Variants in COG5 observed in about 807,000 individuals in gnomAD.
The protein encoded by COG5 is conserved oligomeric Golgi complex subunit 5.
COG5 carries 86 observed loss-of-function variants against 110.4 expected under a neutral mutation model. The observed-to-expected ratio is 0.78, with a 90% CI of 0.65 to 0.93. The LOEUF (loss-of-function observed/expected upper bound fraction) is 0.93. Among genes scored for constraint, COG5 ranks in the 40% least tolerant of loss-of-function variants. The pLI is 0.00. For synonymous variants in COG5, 360 were observed against 334.6 expected (o/e 1.08, Z -0.83); for missense variants, 1,077 against 987.0 (o/e 1.09, Z -1.22).
chr7:107,392,087 TC>T (rs1790664527), intron 7 of COG5, among the ~76,000 whole-genome samples: 1 of 152,168 alleles, frequency 6.6e-6, no homozygotes, highest in East Asian at 1.9e-4. Flanking sequence ...CGAGACTCAG[TC>T]CCCGCCCCTA....
At chr7:107,244,868 G>A (rs1289228248) in intron 17 of COG5, among the ~76,000 whole-genome samples, 1 of 152,140 alleles carries the variant, frequency 6.6e-6, no homozygotes, top group East Asian at 1.9e-4. Context: ...TTTACCATAT[G>A]TAAAAAGAAG....
At chr7:107,533,155 T>C (rs985510854) in intron 5 of COG5, among the ~76,000 whole-genome samples, 3 of 151,198 alleles carry the variant, frequency 2.0e-5, no homozygotes, top group South Asian at 2.1e-4. Flanking sequence ...AAAAACTCCA[T>C]CCAAAGGTCA....
At chr7:107,248,626 A>C (rs1802240951) in intron 16 of COG5, 127 bp from the exon 17 acceptor site, 1 of 696,938 alleles carries the variant, frequency 1.4e-6, no homozygotes. Flanking sequence ...GACTAAGTTA[A>C]CAGAAGTCTG....
At chr7:107,277,115 T>C (rs1804758084) in intron 14 of COG5, among the ~76,000 whole-genome samples, 1 of 152,178 alleles carries the variant, frequency 6.6e-6, no homozygotes. Context: ...ATTCTACACA[T>C]AAATAAAATA....
In COG5 at chr7:107,362,402, G is replaced by A; in HGVS notation, c.854C>T (p.Thr285Ile). 1 of 1,613,684 alleles carries A rather than the reference G, an allele frequency of 6.2e-7. No individual in the cohort carries two copies. The highest frequency in any genetic ancestry group is 8.5e-7 in the Non-Finnish European group (1 of 1,179,642). ...TGCAGTATTTCCTGGGGTTGGCATG[G>A]TAGATCGTCCAGGTCCCCCTGGTTA... is the stretch of plus-strand genomic sequence containing the variant. ...SAVRGGPGRS[T>I]MPTPGNTAAL... The change falls in exon 9 of 22, where the codon ACC (threonine) becomes ATC (isoleucine). Residue 285 changes from threonine (T) to isoleucine (I), a missense_variant. By Grantham distance (89) the Thr-to-Ile change is moderately conservative. Coordinates refer to ENST00000297135, the MANE Select transcript of COG5 (RefSeq NM_006348.5).
intron 5 of COG5, among the ~76,000 whole-genome samples, chr7:107,544,865 A>T (rs1802302367): frequency 6.6e-6 from 1 of 152,240 alleles, no homozygotes; most frequent in Non-Finnish European, 1.5e-5. Context: ...ACTACAAGAC[A>T]ATACAACTAG....
chr7:107,326,068 C>A lies in COG5; in HGVS notation c.1027-1547G>T, dbSNP rs115337102. ...AAGGACTAAAACCACATGGTCGTCT[C>A]AATTAATGCAGAAAAAGCATTAAAC... On this transcript the variant is annotated intron_variant, in intron 10 of 21. Transcript: ENST00000297135. Among the ~76,000 whole-genome samples the A allele has an allele frequency of 5.4e-3, 823 of 152,216 alleles. 9 individuals carry two copies. The highest frequency in any genetic ancestry group is 0.019 in the African/African-American group (801 of 41,540).
chr7:107,319,553 A>G (rs558876807), intron 11 of COG5, among the ~76,000 whole-genome samples: 2 of 152,286 alleles, frequency 1.3e-5, no homozygotes, highest in South Asian at 4.1e-4. Context: ...TTTATCTGAG[A>G]TCACAGTTCT....
intron 7 of COG5, among the ~76,000 whole-genome samples, chr7:107,412,005 T>A (rs1267549834): frequency 9.2e-5 from 14 of 152,236 alleles, no homozygotes; most frequent in Admixed American, 7.8e-4. Context: ...AAGTCAAAAA[T>A]TTTTTAAATT....
At chr7:107,356,011 T>C (rs1446965307) in intron 10 of COG5, among the ~76,000 whole-genome samples, 2 of 152,258 alleles carry the variant, frequency 1.3e-5, no homozygotes, top group African/African-American at 4.8e-5. Flanking sequence ...GCATAATGCA[T>C]AACATTGTAC....
intron 14 of COG5, among the ~76,000 whole-genome samples, chr7:107,265,226 T>C (rs1364793455): frequency 6.6e-6 from 1 of 152,142 alleles, no homozygotes; most frequent in Non-Finnish European, 1.5e-5. Flanking sequence ...GAAAAGATAA[T>C]CTCATCAAGG....
chr7:107,337,769 T>C (rs957552294), intron 10 of COG5, among the ~76,000 whole-genome samples: 1 of 152,124 alleles, frequency 6.6e-6, no homozygotes, highest in Non-Finnish European at 1.5e-5. Flanking sequence ...CAACAATGTA[T>C]TTTTTATTAC....
intron 16 of COG5, among the ~76,000 whole-genome samples, chr7:107,250,852 T>C (rs147168057): frequency 4.0e-5 from 6 of 151,426 alleles, no homozygotes; most frequent in African/African-American, 9.7e-5. Flanking sequence ...AGAGAAAAAA[T>C]ACTAAAAAAT....
intron 21 of COG5, among the ~76,000 whole-genome samples, chr7:107,204,186 A>AG (rs34386148): frequency 6.6e-6 from 1 of 152,220 alleles, no homozygotes; most frequent in Non-Finnish European, 1.5e-5. Context: ...AATTTAATCA[A>AG]GGGGATGTAC....
At chr7:107,406,921 C>T (rs1034815092) in intron 7 of COG5, among the ~76,000 whole-genome samples, 4 of 152,200 alleles carry the variant, frequency 2.6e-5, no homozygotes, top group Admixed American at 6.5e-5. Flanking sequence ...TGACATTGCA[C>T]TCCCTGAAAT....
chr7:107,331,039 G>A (rs1488374226), intron 10 of COG5, among the ~76,000 whole-genome samples: 1 of 152,216 alleles, frequency 6.6e-6, no homozygotes, highest in Non-Finnish European at 1.5e-5. Flanking sequence ...AATAAAAAGT[G>A]AGCATTCAGC....
intron 5 of COG5, among the ~76,000 whole-genome samples, chr7:107,536,526 A>C (rs1801594040): frequency 1.3e-5 from 2 of 152,180 alleles, no homozygotes; most frequent in Admixed American, 6.5e-5. Flanking sequence ...CTACAAAGAG[A>C]ATAAAATACC....
At chr7:107,366,734 T>C (rs1004218425) in intron 8 of COG5, among the ~76,000 whole-genome samples, 3 of 152,132 alleles carry the variant, frequency 2.0e-5, no homozygotes, top group South Asian at 4.1e-4. Context: ...TTTCCGTTCA[T>C]ATGAAGGGAC....
At chr7:107,367,107 A>G (rs970305742) in intron 8 of COG5, among the ~76,000 whole-genome samples, 2 of 151,850 alleles carry the variant, frequency 1.3e-5, no homozygotes, top group Non-Finnish European at 2.9e-5. Flanking sequence ...CTCATTTTCC[A>G]ATTCAGTGGG....
Sources: allele counts gnomAD v4.1 joint callset (sites outside exome capture counted in the v4.1 genomes callset), GRCh38; gene constraint gnomAD v4.1.1; transcripts MANE v1.5; gene names NCBI Gene and HGNC (gene_info 2026-07-23, HGNC 2026-07-21).